Variants in ACAN observed in about 807,000 individuals in gnomAD.
ACAN encodes the protein aggrecan core protein.
Under a neutral mutation model 169.1 loss-of-function variants are expected in ACAN, and 47 were observed. That is an observed-to-expected ratio of 0.28 (90% CI 0.22 to 0.35). The LOEUF (loss-of-function observed/expected upper bound fraction) is 0.35, where lower values mean the gene tolerates loss of function less well. Ranked by LOEUF, ACAN falls within the 10% of genes least tolerant of loss-of-function variation. The probability of loss-of-function intolerance (pLI) is 1.00; values close to 1 mark genes in which losing one functional copy is unlikely to be tolerated. For missense variants in ACAN, 2,716 were observed against 2,759.9 expected, an observed-to-expected ratio of 0.98 and a Z score of 0.36; for synonymous variants, 1,115 against 1,112.2, an observed-to-expected ratio of 1.00 and a Z score of -0.05.
At position 88,854,918 on chromosome 15, in the gene ACAN, C is replaced by T. The variant is rs769618934; in HGVS notation, c.2333C>T (p.Thr778Ile). The change falls in exon 12 of 19, where the codon ACT (threonine) becomes ATT (isoleucine). Residue 778 changes from threonine to isoleucine, a missense_variant. Around this residue, in one of 3 missense-constraint regions of ACAN, gnomAD observed 1,283 missense variants for 1,281.5 expected, o/e 1.00. Coordinates refer to ENST00000560601, the MANE Select transcript of ACAN (RefSeq NM_001369268.1). ...GAAAGTACAGAAGGCCCTTCTGCAA[C>T]TGAAGTGCCCTCTGCCTCAGAGGAA... is the stretch of plus-strand genomic sequence containing the variant. ...TEESTEGPSA[T>I]EVPSASEEPS... The T allele has an allele frequency of 6.3e-7, 1 of 1,584,204 alleles. No homozygotes were observed. The highest frequency in any genetic ancestry group is 1.4e-5 in the African/African-American group (1 of 73,906).
At chr15:88,850,960 A>T (rs1364842221) in intron 10 of ACAN, 1 of 152,030 alleles carries the variant, frequency 6.6e-6, no homozygotes, top group Non-Finnish European at 1.5e-5. Context: ...AAAAAAAAAA[A>T]ATTCAAAGTT....
intron 7 of ACAN, 81 bp downstream of exon 7, chr15:88,845,963 C>A: frequency 7.3e-7 from 1 of 1,370,522 alleles, no homozygotes; most frequent in Non-Finnish European, 9.6e-7. Context: ...CAGTTGAAGG[C>A]TGTACCTTCT....
Position 88,874,693 on chromosome 15 carries a change from G to T in ACAN, c.*212G>T. On this transcript the variant is annotated 3_prime_UTR_variant, in exon 19 of 19. Transcript: ENST00000560601. This position sits in a 1 kb window ranked among gnomAD's most constrained non-coding sequence, Gnocchi z 7.3. Reference sequence around the variant, plus strand: ...TCTAATTTGTCCGCCGAATGCCAAAGCAAAGCAAACTTATTATAACCCTTG... The same window carrying T: ...TCTAATTTGTCCGCCGAATGCCAAATCAAAGCAAACTTATTATAACCCTTG... 3 of 657,080 alleles carry T rather than the reference G, an allele frequency of 4.6e-6. No individual in the cohort carries two copies. The highest frequency in any genetic ancestry group is 8.3e-6 in the Non-Finnish European group (3 of 359,414). 40.7% of individuals were successfully genotyped at this position (657,080 alleles called of 1,614,324 possible). A position where few individuals can be genotyped will look rare whatever the true frequency, so the allele number is the denominator to read the frequency against.
chr15:88,834,148 A>C (rs1334003860), intron 1 of ACAN, among the ~76,000 whole-genome samples: 1 of 152,126 alleles, frequency 6.6e-6, no homozygotes, highest in East Asian at 1.9e-4. Flanking sequence ...TAGGTAGAAA[A>C]ATCCCTAAGG....
intron 1 of ACAN, among the ~76,000 whole-genome samples, chr15:88,819,625 G>T (rs1454759632): frequency 6.7e-6 from 1 of 149,556 alleles, no homozygotes; most frequent in African/African-American, 2.5e-5. Context: ...AAATAGCTTG[G>T]TGTGGTGGCT....
Position 88,871,188 on chromosome 15 carries a change from G to A in ACAN, c.7061-194G>A, listed in dbSNP as rs1233423581. Reference sequence around the variant, plus strand: ...AAGGGCCCCTGGCATTTTCCCGAGTGGAAGCATGTGCAGAGGCTCCCAGGG... The same window carrying A: ...AAGGGCCCCTGGCATTTTCCCGAGTAGAAGCATGTGCAGAGGCTCCCAGGG... On this transcript the variant is annotated intron_variant, in intron 14 of 18. Coordinates refer to ENST00000560601, the MANE Select transcript of ACAN (RefSeq NM_001369268.1). This position sits in a 1 kb window ranked among gnomAD's most constrained non-coding sequence, Gnocchi z 7.8. Among the ~76,000 whole-genome samples the A allele has an allele frequency of 6.6e-6, 1 of 152,200 alleles. No homozygotes were observed. Among genetic ancestry groups the A allele is most frequent in the Non-Finnish European group, 1.5e-5 (1 of 68,036 alleles).
rs755623051 is a variant in ACAN, at chr15:88,857,683, C to T, written c.5098C>T (p.Leu1700=). The T allele has an allele frequency of 1.2e-6, 2 of 1,614,024 alleles. No homozygotes were observed. Among genetic ancestry groups the T allele is most frequent in the Non-Finnish European group, 1.7e-6 (2 of 1,179,900 alleles). Residue 1700 remains leucine (L), a synonymous_variant, in exon 12 of 19, where the codon CTG becomes TTG. Coordinates refer to ENST00000560601, the MANE Select transcript of ACAN (RefSeq NM_001369268.1). The part of the protein sequence containing the change: ...GEISGLPSSE[L]DISGRASGLP... ...AATATCTGGACTGCCCTCCAGTGAG[C>T]TGGACATTAGTGGGAGAGCTAGTGG...
At chr15:88,828,097 A>G (rs996815065) in intron 1 of ACAN, among the ~76,000 whole-genome samples, 1 of 152,216 alleles carries the variant, frequency 6.6e-6, no homozygotes, top group African/African-American at 2.4e-5. Context: ...ATGACAAAGG[A>G]CACAGGCAGA....
chr15:88,850,079 AAT>A lies in ACAN; in HGVS notation c.2026+349_2026+350del, dbSNP rs1401342081. On this transcript the variant is annotated intron_variant, in intron 10 of 18. Coordinates refer to ENST00000560601, the MANE Select transcript of ACAN (RefSeq NM_001369268.1). ...TACTTCAGAGAGAGCTGCAAGAATT[AAT>A]TAAGTGCACGTGGTGCCCTTGGCAT... 6 of 584,614 alleles carry A rather than the reference AAT, an allele frequency of 1.0e-5. No individual in the cohort carries two copies. In the Admixed American group the frequency reaches 1.9e-4, roughly 18 times the overall value. 36.2% of individuals were successfully genotyped at this position (584,614 alleles called of 1,614,324 possible).
intron 1 of ACAN, among the ~76,000 whole-genome samples, chr15:88,828,193 G>A (rs556672336): frequency 4.7e-4 from 72 of 152,232 alleles, no homozygotes; most frequent in African/African-American, 1.5e-3. Context: ...GTCAGACATA[G>A]AGCTAAAGAG....
Position 88,843,772 on chromosome 15 carries a change from C to T in ACAN, c.1051+124C>T. 2 of 1,264,220 alleles carry T rather than the reference C, an allele frequency of 1.6e-6. No homozygotes were observed. The highest frequency in any genetic ancestry group is 2.1e-6 in the Non-Finnish European group (2 of 938,398). 78.3% of individuals were successfully genotyped at this position (1,264,220 alleles called of 1,614,324 possible). Reference sequence around the variant, plus strand: ...TGAAGGGGCCACGGGGTACCTGAACCCCATGTTTTTAGGACACCCCTCCAT... The same window carrying T: ...TGAAGGGGCCACGGGGTACCTGAACTCCATGTTTTTAGGACACCCCTCCAT... On this transcript the variant is annotated intron_variant, in intron 6 of 18. Coordinates refer to ENST00000560601, the MANE Select transcript of ACAN (RefSeq NM_001369268.1). This position sits in a 1 kb window ranked among gnomAD's most constrained non-coding sequence, Gnocchi z 4.0.
In ACAN at chr15:88,858,811, G is replaced by C; in HGVS notation, c.6226G>C (p.Ala2076Pro). ...LFESSGKVST[A>P]GDISGATPVL... ...TGAGTCCAGTGGAAAAGTCTCCACA[G>C]CTGGGGACATTAGTGGAGCTACCCC... Residue 2076 changes from alanine (A) to proline (P), a missense_variant, in exon 12 of 19, where the codon GCT (alanine) becomes CCT (proline). Physicochemically the swap from Ala to Pro is conservative, Grantham distance 27 (BLOSUM62 -1). Transcript: ENST00000560601. This position sits in a 1 kb window ranked among gnomAD's most constrained non-coding sequence, Gnocchi z 4.0. The C allele has an allele frequency of 6.2e-7, 1 of 1,613,856 alleles. No homozygotes were observed. Among genetic ancestry groups the C allele is most frequent in the Non-Finnish European group, 8.5e-7 (1 of 1,179,856 alleles).
chr15:88,833,286 G>C (rs368317346), intron 1 of ACAN, among the ~76,000 whole-genome samples: 175 of 152,292 alleles, frequency 1.1e-3, no homozygotes, highest in African/African-American at 3.8e-3. Context: ...TCCACATAAT[G>C]CTCTCTGAGA....
At chr15:88,842,581 C>G (rs564923807) in intron 5 of ACAN, among the ~76,000 whole-genome samples, 1 of 151,260 alleles carries the variant, frequency 6.6e-6, no homozygotes, top group East Asian at 1.9e-4. Context: ...TGACAACTGG[C>G]ACTTTCTGGG....
rs2141643603 is a variant in ACAN at position 88,873,369 on chromosome 15, G to A, written c.7447+344G>A. Among the ~76,000 whole-genome samples, 1 of 152,354 alleles carries A rather than the reference G, an allele frequency of 6.6e-6. No individual in the cohort carries two copies. The highest frequency in any genetic ancestry group is 1.9e-4 in the East Asian group (1 of 5,188). ...GGGCCCCCAGATGGGGAGCCTCCCTGTCTTTGGGATTCCCAAGGCCATCAA... is the reference window on the plus strand; with the variant it reads ...GGGCCCCCAGATGGGGAGCCTCCCTATCTTTGGGATTCCCAAGGCCATCAA... On this transcript the variant is annotated intron_variant, in intron 17 of 18. Coordinates refer to ENST00000560601, the MANE Select transcript of ACAN (RefSeq NM_001369268.1). This position sits in a 1 kb window ranked among gnomAD's most constrained non-coding sequence, Gnocchi z 7.5.
chr15:88,821,511 G>T (rs186057558), intron 1 of ACAN, among the ~76,000 whole-genome samples: 247 of 152,336 alleles, frequency 1.6e-3, no homozygotes, highest in African/African-American at 5.5e-3. Flanking sequence ...TTCACAGCTG[G>T]TCCATCTATA....
rs1193297148 is a variant in ACAN, at chr15:88,873,891, G to A, written c.7497G>A (p.Gln2499=). 1.2e-6 allele frequency: 2 copies of A among 1,613,830 alleles called. No individual in the cohort carries two copies. The change falls in exon 18 of 19, where the codon CAG becomes CAA. Residue 2499 remains glutamine, a synonymous_variant. Coordinates refer to ENST00000560601, the MANE Select transcript of ACAN (RefSeq NM_001369268.1). The surrounding 1 kb of genome is among the most constrained non-coding windows in gnomAD (Gnocchi z 7.5). ...TGGAGCATGCCAGGACCTTCGGGCAGAAGAAGGACCGGTATGAGATCAATT... is the reference window on the plus strand; with the variant it reads ...TGGAGCATGCCAGGACCTTCGGGCAAAAGAAGGACCGGTATGAGATCAATT... The part of the protein sequence containing the change: ...PVVEHARTFG[Q]KKDRYEINSL...
At chr15:88,862,114 C>T (rs949830036) in intron 13 of ACAN, among the ~76,000 whole-genome samples, 8 of 152,184 alleles carry the variant, frequency 5.3e-5, no homozygotes, top group African/African-American at 1.9e-4. Flanking sequence ...ACATAACAAC[C>T]AGTTGCTGGT....
rs1296510534 is a variant in ACAN, at chr15:88,837,835, G to A, written c.71-828G>A. Among the ~76,000 whole-genome samples, 5 of 150,376 alleles carry A rather than the reference G, an allele frequency of 3.3e-5. No individual in the cohort carries two copies. In the East Asian group the frequency reaches 7.8e-4, roughly 23 times the overall value. The stretch of plus-strand genomic sequence containing the variant: ...AAACATTTTTTATTTCAACCTGTAG[G>A]CCCCCATGAAAGAACAGGTTTCATA... On this transcript the variant is annotated intron_variant, in intron 2 of 18. Transcript: ENST00000560601.
Sources: allele counts gnomAD v4.1 joint callset (sites outside exome capture counted in the v4.1 genomes callset), GRCh38; gene constraint gnomAD v4.1.1; regional missense constraint gnomAD v4.1.1; non-coding constraint Gnocchi (gnomAD v3.1); transcripts MANE v1.5; gene names NCBI Gene and HGNC (gene_info 2026-07-23, HGNC 2026-07-21).